Variants in CLSTN2 observed in about 807,000 individuals in gnomAD.
CLSTN2 encodes calsyntenin 2, also known as calsyntenin-2.
A neutral mutation model predicts 101.2 loss-of-function variants in CLSTN2; 48 were observed. That is an observed-to-expected ratio of 0.47 (90% CI 0.38 to 0.60). The LOEUF (loss-of-function observed/expected upper bound fraction) is 0.60, where lower values mean the gene tolerates loss of function less well. CLSTN2 is among the 20% of genes least tolerant of loss of function. The pLI is 0.00. For missense variants in CLSTN2, 1,160 were observed against 1,238.2 expected, an observed-to-expected ratio of 0.94 and a Z score of 0.95; for synonymous variants, 481 against 463.6, an observed-to-expected ratio of 1.04 and a Z score of -0.48.
At chr3:140,373,211 C>G (rs1424552794) in intron 2 of CLSTN2, among the ~76,000 whole-genome samples, 1 of 152,186 alleles carries the variant, frequency 6.6e-6, no homozygotes, top group Non-Finnish European at 1.5e-5. Context: ...TAAGAAAAAG[C>G]AGCCATGCCC....
At chr3:140,235,307 C>G (rs115923386) in intron 2 of CLSTN2, among the ~76,000 whole-genome samples, 1,795 of 152,218 alleles carry the variant, frequency 0.012, 25 homozygotes, top group African/African-American at 0.039. Context: ...GGGGCCCTAA[C>G]AGTTCACGCC....
chr3:140,290,100 A>G (rs2086934246), intron 2 of CLSTN2, among the ~76,000 whole-genome samples: 1 of 151,900 alleles, frequency 6.6e-6, no homozygotes, highest in Non-Finnish European at 1.5e-5. Context: ...TTTTGCTAAT[A>G]GGCATCAGAA....
chr3:140,443,365 C>T (rs902162538), intron 5 of CLSTN2, among the ~76,000 whole-genome samples: 2 of 152,368 alleles, frequency 1.3e-5, no homozygotes, highest in East Asian at 3.9e-4. Flanking sequence ...TTCCAGAAGT[C>T]TCTTAGATTA....
At chr3:140,433,910 G>A (rs568105553) in intron 5 of CLSTN2, among the ~76,000 whole-genome samples, 3 of 152,240 alleles carry the variant, frequency 2.0e-5, no homozygotes, top group Non-Finnish European at 4.4e-5. Context: ...TTGTCTCCAT[G>A]GTAAAATTAC....
intron 2 of CLSTN2, among the ~76,000 whole-genome samples, chr3:140,365,453 G>C (rs1046729104): frequency 6.6e-6 from 1 of 152,156 alleles, no homozygotes; most frequent in African/African-American, 2.4e-5. Flanking sequence ...TGTGACTTAC[G>C]CAGAGTTTTC....
At chr3:139,994,379 C>T (rs1359433853) in intron 1 of CLSTN2, among the ~76,000 whole-genome samples, 1 of 152,228 alleles carries the variant, frequency 6.6e-6, no homozygotes, top group African/African-American at 2.4e-5. Flanking sequence ...AATCCTTACA[C>T]AACCTTGGTA....
intron 1 of CLSTN2, among the ~76,000 whole-genome samples, chr3:140,054,109 A>G (rs557562557): frequency 5.9e-5 from 9 of 152,266 alleles, no homozygotes; most frequent in African/African-American, 2.2e-4. Flanking sequence ...TGGTGACCAA[A>G]GGTACTATGG....
chr3:140,036,878 A>G (rs891661239), intron 1 of CLSTN2, among the ~76,000 whole-genome samples: 6 of 152,144 alleles, frequency 3.9e-5, no homozygotes, highest in Non-Finnish European at 5.9e-5. Context: ...ACTCTTGTAT[A>G]TTGTATATAC....
At chr3:140,449,685 G>A (rs1395031228) in intron 6 of CLSTN2, 3 of 152,176 alleles carry the variant, frequency 2.0e-5, no homozygotes, top group African/African-American at 7.2e-5. Context: ...TGAAGACTGA[G>A]GTCTTTTTGA....
rs528119507 is a variant in CLSTN2 at position 140,454,249 on chromosome 3, T to G, written c.974-5272T>G. 8 of 147,918 alleles carry G rather than the reference T, an allele frequency of 5.4e-5. No individual in the cohort carries two copies. In the East Asian group the frequency reaches 1.6e-3, roughly 29 times the overall value. 9.2% of individuals were successfully genotyped at this position (147,918 alleles called of 1,614,324 possible). On this transcript the variant is annotated intron_variant, in intron 6 of 16. Transcript: ENST00000458420. ...ATGGCCCACTATGTTGGGGAGGAGG[T>G]TTTTGCCTGCAGTGACAAAAACATA...
At chr3:140,097,604 C>A (rs753371379) in intron 1 of CLSTN2, among the ~76,000 whole-genome samples, 1 of 152,170 alleles carries the variant, frequency 6.6e-6, no homozygotes, top group Non-Finnish European at 1.5e-5. Context: ...TGTTCCCACT[C>A]CATGTGCTTT....
chr3:140,140,808 C>A (rs2009686714), intron 1 of CLSTN2, among the ~76,000 whole-genome samples: 1 of 152,198 alleles, frequency 6.6e-6, no homozygotes, highest in African/African-American at 2.4e-5. Flanking sequence ...AAATCTTCCC[C>A]TTTCTATATA....
chr3:140,135,117 C>CACACAT (rs1488268767), intron 1 of CLSTN2, among the ~76,000 whole-genome samples: 194 of 58,066 alleles, frequency 3.3e-3, no homozygotes, highest in Non-Finnish European at 4.0e-3. Context: ...CACACACACA[C>CACACAT]ATATATATAT....
chr3:140,365,738 A>C (rs138099075), intron 2 of CLSTN2, among the ~76,000 whole-genome samples: 1 of 152,366 alleles, frequency 6.6e-6, no homozygotes, highest in Non-Finnish European at 1.5e-5. Flanking sequence ...ACCGAGGCCT[A>C]CACATGTCAA....
chr3:140,123,091 C>T (rs988297336), intron 1 of CLSTN2, among the ~76,000 whole-genome samples: 3 of 140,418 alleles, frequency 2.1e-5, no homozygotes, highest in Non-Finnish European at 3.0e-5. Flanking sequence ...GATGAAGGTG[C>T]TGGCAGATTT....
intron 1 of CLSTN2, among the ~76,000 whole-genome samples, chr3:139,978,904 A>G (rs779622674): frequency 2.0e-4 from 30 of 152,224 alleles, no homozygotes; most frequent in Admixed American, 7.9e-4. Context: ...GGGAAGATTC[A>G]GGATAAATGC....
chr3:140,172,158 C>T (rs1002438448), intron 1 of CLSTN2, among the ~76,000 whole-genome samples: 4 of 150,736 alleles, frequency 2.7e-5, no homozygotes, highest in Non-Finnish European at 4.4e-5. Flanking sequence ...TTATTCTAGC[C>T]CCCCTCTAAC....
chr3:140,145,567 G>A lies in CLSTN2; in HGVS notation c.110-30384G>A, dbSNP rs182549469. Reference sequence around the variant, plus strand: ...AGAAGAAATTTCTCTTGACCATCTCGGCAGACACTGGTGTGTGGTGGGAAA... The same window carrying A: ...AGAAGAAATTTCTCTTGACCATCTCAGCAGACACTGGTGTGTGGTGGGAAA... On this transcript the variant is annotated intron_variant, in intron 1 of 16. Coordinates refer to ENST00000458420, the MANE Select transcript of CLSTN2 (RefSeq NM_022131.3). Among the ~76,000 whole-genome samples the A allele has an allele frequency of 7.9e-5, 12 of 152,334 alleles. No homozygotes were observed. In the East Asian group the frequency reaches 1.4e-3, roughly 17 times the overall value.
At chr3:140,139,107 C>T (rs757311985) in intron 1 of CLSTN2, among the ~76,000 whole-genome samples, 7 of 152,160 alleles carry the variant, frequency 4.6e-5, no homozygotes, top group Non-Finnish European at 8.8e-5. Flanking sequence ...TGTCAAGTGC[C>T]TAGCACATGG....
Sources: gnomAD v4.1 joint callset for allele counts (sites outside exome capture counted in the v4.1 genomes callset) on GRCh38, gnomAD v4.1.1 for gene constraint, MANE v1.5 for transcripts, NCBI Gene and HGNC (gene_info 2026-07-23, HGNC 2026-07-21) for gene names.